The following LHFPL6 variants were observed in gnomAD, a reference collection of about 807,000 sequenced individuals.
LHFPL6 encodes the protein LHFPL tetraspan subfamily member 6 protein.
Under a neutral mutation model 20.6 loss-of-function variants are expected in LHFPL6, and 9 were observed. That is an observed-to-expected ratio of 0.44 (90% confidence interval 0.26 to 0.76). The LOEUF is 0.76. LHFPL6 is among the 30% of genes least tolerant of loss of function. The pLI is 0.20. For synonymous variants in LHFPL6, 105 were observed against 98.7 expected (o/e 1.06, Z -0.38); for missense variants, 218 against 253.5 (o/e 0.86, Z 0.95).
chr13:39,524,043 A>G (rs969388425), intron 2 of LHFPL6, among the ~76,000 whole-genome samples: 1 of 152,228 alleles, frequency 6.6e-6, no homozygotes, highest in Non-Finnish European at 1.5e-5. Flanking sequence ...CAATGCCAGC[A>G]TGGTTAAAAT....
intron 2 of LHFPL6, among the ~76,000 whole-genome samples, chr13:39,461,657 CA>C (rs1872690795): frequency 6.6e-6 from 1 of 150,946 alleles, no homozygotes; most frequent in African/African-American, 2.4e-5. Context: ...AGTCTATGCC[CA>C]AAAGGAAAAA....
At position 39,592,957 on chromosome 13, in the gene LHFPL6, T is replaced by C. The variant is rs573803280; in HGVS notation, c.385+7875A>G. On this transcript the variant is annotated intron_variant, in intron 2 of 3. Coordinates refer to ENST00000379589, the MANE Select transcript of LHFPL6 (RefSeq NM_005780.3). ...CTAAAAACTCTCAATAAATTAGGTATTGATGGACGTATCTCAAAATAATAA... is the reference window on the plus strand; with the variant it reads ...CTAAAAACTCTCAATAAATTAGGTACTGATGGACGTATCTCAAAATAATAA... Among the ~76,000 whole-genome samples, 613 of 152,328 alleles carry C rather than the reference T, an allele frequency of 4.0e-3. 3 individuals carry two copies. The highest frequency in any genetic ancestry group is 6.3e-3 in the Non-Finnish European group (431 of 68,024).
chr13:39,347,722 T>C (rs939600904), intron 3 of LHFPL6, among the ~76,000 whole-genome samples: 3 of 152,236 alleles, frequency 2.0e-5, no homozygotes, highest in Admixed American at 1.3e-4. Context: ...ATAATCTCCA[T>C]TTTGAATTAT....
At chr13:39,369,107 G>GTAA (rs1555258766) in intron 3 of LHFPL6, among the ~76,000 whole-genome samples, 1 of 117,716 alleles carries the variant, frequency 8.5e-6, no homozygotes, top group Admixed American at 8.4e-5. Flanking sequence ...GGACAACACT[G>GTAA]AAAAAAAAAA....
intron 2 of LHFPL6, among the ~76,000 whole-genome samples, chr13:39,404,097 T>C (rs1450264960): frequency 1.3e-5 from 2 of 152,262 alleles, no homozygotes; most frequent in Non-Finnish European, 2.9e-5. Context: ...TGAACTGCTT[T>C]GTGCCTGCTT....
chr13:39,373,367 T>C (rs1870207569), intron 3 of LHFPL6, among the ~76,000 whole-genome samples: 1 of 152,128 alleles, frequency 6.6e-6, no homozygotes, highest in South Asian at 2.1e-4. Context: ...ATGTGTGGCC[T>C]CTCCCTTAGG....
intron 2 of LHFPL6, among the ~76,000 whole-genome samples, chr13:39,486,863 C>A (rs542439367): frequency 6.6e-6 from 1 of 152,326 alleles, no homozygotes; most frequent in South Asian, 2.1e-4. Flanking sequence ...GAAATTGTGT[C>A]TTTGCTTATG....
chr13:39,386,007 C>T (rs560128388), intron 2 of LHFPL6, among the ~76,000 whole-genome samples: 206 of 152,172 alleles, frequency 1.4e-3, no homozygotes, highest in Middle Eastern at 6.8e-3. Context: ...ACCAGTGTTT[C>T]CCATCAATTC....
intron 2 of LHFPL6, among the ~76,000 whole-genome samples, chr13:39,470,168 C>T (rs1872907083): frequency 6.6e-6 from 1 of 152,108 alleles, no homozygotes; most frequent in Non-Finnish European, 1.5e-5. Context: ...TTGGTAAAAC[C>T]TTTGCTAAAC....
chr13:39,509,496 G>A (rs968467178), intron 2 of LHFPL6, among the ~76,000 whole-genome samples: 5 of 151,936 alleles, frequency 3.3e-5, no homozygotes, highest in Admixed American at 1.3e-4. Context: ...TAAGGTATGC[G>A]CTGAAGTTTT....
In LHFPL6 at chr13:39,479,034, TATAGATAGATAGATAGATAG is replaced by T. The variant is rs34879497; in HGVS notation, c.386-100528_386-100509del. On this transcript the variant is annotated intron_variant, in intron 2 of 3. Transcript: ENST00000379589. Reference sequence around the variant, plus strand: ...TAATGAAGCACCAATGGGAGATAGATATAGATAGATAGATAGATAGATAGATAGATAGATAGATAGATAGA... The same window carrying T: ...TAATGAAGCACCAATGGGAGATAGATATAGATAGATAGATAGATAGATAGA... Among the ~76,000 whole-genome samples, 8 of 144,058 alleles carry T rather than the reference TATAGATAGATAGATAGATAG, an allele frequency of 5.6e-5. No homozygotes were observed. The East Asian group carries it at 6.1e-4, about 11-fold the overall frequency. 94.5% of individuals were successfully genotyped at this position (144,058 alleles called of 152,430 possible). A position where few individuals can be genotyped will look rare whatever the true frequency, so the allele number is the denominator to read the frequency against.
intron 2 of LHFPL6, among the ~76,000 whole-genome samples, chr13:39,429,870 G>T (rs1052585475): frequency 2.6e-5 from 4 of 152,096 alleles, no homozygotes; most frequent in African/African-American, 9.7e-5. Context: ...TGACCTCTCT[G>T]CAGCATTTGA....
At chr13:39,575,615 G>A (rs1001182532) in intron 2 of LHFPL6, among the ~76,000 whole-genome samples, 4 of 152,154 alleles carry the variant, frequency 2.6e-5, no homozygotes, top group Admixed American at 2.0e-4. Context: ...ATAACGCTGT[G>A]AATCAGGCAG....
At position 39,569,898 on chromosome 13, in the gene LHFPL6, C is replaced by A. The variant is rs1219150093; in HGVS notation, c.385+30934G>T. Among the ~76,000 whole-genome samples, 6 of 152,252 alleles carry A rather than the reference C, an allele frequency of 3.9e-5. No individual in the cohort carries two copies. In the South Asian group the frequency reaches 1.0e-3, roughly 26 times the overall value. ...TCGAAACGTTTTAAAATGGATGAAA[C>A]AACTTTTGGAGTCTTTAAGCACCTG... is the stretch of plus-strand genomic sequence containing the variant. On this transcript the variant is annotated intron_variant, in intron 2 of 3. Transcript: ENST00000379589.
chr13:39,412,604 G>A (rs917259238), intron 2 of LHFPL6, among the ~76,000 whole-genome samples: 3 of 152,182 alleles, frequency 2.0e-5, no homozygotes, highest in Admixed American at 1.3e-4. Context: ...AGAAACTGAA[G>A]TACAGAGAGA....
intron 2 of LHFPL6, among the ~76,000 whole-genome samples, chr13:39,430,822 T>G (rs905291742): frequency 6.6e-6 from 1 of 152,144 alleles, no homozygotes; most frequent in Non-Finnish European, 1.5e-5. Flanking sequence ...CTCTGTAAAA[T>G]GGACCAATCA....
At chr13:39,588,129 G>A (rs550869087) in intron 2 of LHFPL6, among the ~76,000 whole-genome samples, 33 of 152,190 alleles carry the variant, frequency 2.2e-4, no homozygotes, top group Admixed American at 7.2e-4. Context: ...AGCCCCTCAC[G>A]TGGCTGCCGA....
chr13:39,472,615 T>A (rs914997520), intron 2 of LHFPL6, among the ~76,000 whole-genome samples: 1 of 152,106 alleles, frequency 6.6e-6, no homozygotes, highest in African/African-American at 2.4e-5. Flanking sequence ...TTTAATTAAT[T>A]TTTTTGTGTG....
intron 3 of LHFPL6, among the ~76,000 whole-genome samples, chr13:39,375,105 C>T (rs1870252628): frequency 6.6e-6 from 1 of 152,180 alleles, no homozygotes; most frequent in Non-Finnish European, 1.5e-5. Flanking sequence ...TTTCACAACC[C>T]TTGGGAGGAA....
Sources: gnomAD v4.1 joint callset for allele counts (sites outside exome capture counted in the v4.1 genomes callset) on GRCh38, gnomAD v4.1.1 for gene constraint, MANE v1.5 for transcripts, NCBI Gene and HGNC (gene_info 2026-07-23, HGNC 2026-07-21) for gene names.